The following DCDC1 variants were observed in gnomAD, a reference collection of about 807,000 sequenced individuals.
DCDC1 encodes the protein doublecortin domain containing 1.
DCDC1 carries 200 observed loss-of-function variants against 178.3 expected under a neutral mutation model. The observed-to-expected ratio is 1.12, with a 90% CI of 1.00 to 1.26. DCDC1 has a LOEUF of 1.26. Among genes scored for constraint, DCDC1 ranks in the 50% most tolerant of loss-of-function variants. The pLI, the probability that DCDC1 is intolerant of heterozygous loss-of-function variation, is 0.00. For synonymous variants in DCDC1, 690 were observed against 604.8 expected (o/e 1.14, Z -2.07); for missense variants, 1,983 against 1,749.2 (o/e 1.13, Z -2.38).
intron 9 of DCDC1, among the ~76,000 whole-genome samples, chr11:31,177,432 C>A (rs557488793): frequency 1.3e-3 from 196 of 151,448 alleles, no homozygotes; most frequent in Non-Finnish European, 2.4e-3. Flanking sequence ...AAAATAAAAA[C>A]AAAACAAAAC....
chr11:31,223,573 G>A (rs1381282648), intron 9 of DCDC1, among the ~76,000 whole-genome samples: 1 of 152,082 alleles, frequency 6.6e-6, no homozygotes, highest in Non-Finnish European at 1.5e-5. Flanking sequence ...AGCATTGTTT[G>A]TTACAGTAAA....
At chr11:30,890,887 C>A (rs1341331187) in intron 36 of DCDC1, among the ~76,000 whole-genome samples, 1 of 152,160 alleles carries the variant, frequency 6.6e-6, no homozygotes, top group Non-Finnish European at 1.5e-5. Flanking sequence ...AATCAACTCC[C>A]TATTGATGAG....
chr11:31,117,252 G>C (rs1323084496), intron 11 of DCDC1, among the ~76,000 whole-genome samples: 1 of 152,042 alleles, frequency 6.6e-6, no homozygotes, highest in Non-Finnish European at 1.5e-5. Flanking sequence ...GGCAACAGTG[G>C]TTTCACACGG....
At chr11:31,282,290 AG>A (rs1946499391) in intron 7 of DCDC1, among the ~76,000 whole-genome samples, 1 of 151,864 alleles carries the variant, frequency 6.6e-6, no homozygotes, top group Non-Finnish European at 1.5e-5. Context: ...CTTCTGTCTC[AG>A]TTTTGGTAAT....
chr11:31,307,546 T>G (rs889815049), intron 4 of DCDC1, 93 bp downstream of exon 4: 1 of 1,476,598 alleles, frequency 6.8e-7, no homozygotes, highest in African/African-American at 1.4e-5. Context: ...TACATTTTAA[T>G]GTCTGAGATA....
chr11:31,084,782 C>G (rs1289274130), intron 17 of DCDC1, among the ~76,000 whole-genome samples: 1 of 151,776 alleles, frequency 6.6e-6, no homozygotes, highest in Non-Finnish European at 1.5e-5. Flanking sequence ...CAAGCTTTCT[C>G]CTCTATAGGT....
At chr11:31,357,527 C>G (rs1469026237) in intron 1 of DCDC1, among the ~76,000 whole-genome samples, 1 of 152,128 alleles carries the variant, frequency 6.6e-6, no homozygotes. Context: ...AAAATTGGCA[C>G]AAGACAGGGA....
intron 9 of DCDC1, among the ~76,000 whole-genome samples, chr11:31,159,372 A>G (rs988832753): frequency 2.0e-5 from 3 of 152,202 alleles, no homozygotes; most frequent in Non-Finnish European, 4.4e-5. Flanking sequence ...GTACAATTTC[A>G]TAGGGCAAAT....
At chr11:31,170,576 A>G (rs1460064169) in intron 9 of DCDC1, among the ~76,000 whole-genome samples, 1 of 152,186 alleles carries the variant, frequency 6.6e-6, no homozygotes, top group African/African-American at 2.4e-5. Flanking sequence ...CTCAAATAAA[A>G]CATCTTAGAT....
At chr11:31,094,205 T>C (rs751992061) in intron 15 of DCDC1, 21 bp from the exon 16 acceptor site, 16 of 765,508 alleles carry the variant, frequency 2.1e-5, no homozygotes, top group South Asian at 1.6e-4. Flanking sequence ...AGAAGAAGTA[T>C]GCATTTTTAA....
chr11:31,004,188 A>T (rs533146876), intron 20 of DCDC1, among the ~76,000 whole-genome samples: 1 of 152,336 alleles, frequency 6.6e-6, no homozygotes, highest in South Asian at 2.1e-4. Flanking sequence ...AAAACAACAC[A>T]TTTAGTTTTA....
chr11:31,357,375 C>G (rs368793691), intron 1 of DCDC1, among the ~76,000 whole-genome samples: 2 of 141,150 alleles, frequency 1.4e-5, no homozygotes, highest in East Asian at 1.9e-4. Flanking sequence ...AGGCCTTTGA[C>G]AAAATTCAAC....
chr11:31,063,806 G>T (rs974154243), intron 20 of DCDC1, among the ~76,000 whole-genome samples: 4 of 152,090 alleles, frequency 2.6e-5, no homozygotes, highest in Non-Finnish European at 4.4e-5. Context: ...TCCTTTAAGA[G>T]TATTTCAGTC....
chr11:31,200,894 T>C (rs1971217182), intron 9 of DCDC1, among the ~76,000 whole-genome samples: 1 of 151,888 alleles, frequency 6.6e-6, no homozygotes, highest in Non-Finnish European at 1.5e-5. Context: ...AGCTCCCAAG[T>C]ACTCCAGAAA....
intron 17 of DCDC1, among the ~76,000 whole-genome samples, chr11:31,089,195 G>A (rs974588091): frequency 3.3e-5 from 5 of 151,986 alleles, no homozygotes; most frequent in Non-Finnish European, 5.9e-5. Flanking sequence ...TTTTCACTGG[G>A]GAAAGTTTTC....
At chr11:30,870,914 A>C (rs909060789) in intron 38 of DCDC1, among the ~76,000 whole-genome samples, 8 of 152,192 alleles carry the variant, frequency 5.3e-5, no homozygotes, top group Non-Finnish European at 1.2e-4. Context: ...GAAGGGAGAA[A>C]AGAACCAAAA....
chr11:31,069,846 C>T (rs1956450372), intron 18 of DCDC1, among the ~76,000 whole-genome samples: 1 of 152,052 alleles, frequency 6.6e-6, no homozygotes, highest in South Asian at 2.1e-4. Context: ...ATAATATATC[C>T]AGTGAAATGG....
intron 17 of DCDC1, among the ~76,000 whole-genome samples, chr11:31,090,888 T>C (rs957781329): frequency 9.2e-5 from 14 of 152,148 alleles, no homozygotes; most frequent in African/African-American, 3.4e-4. Flanking sequence ...CTCTTGGAGA[T>C]AAATCAACTT....
At chr11:30,964,050 C>T (rs546942573) in intron 20 of DCDC1, among the ~76,000 whole-genome samples, 1 of 152,250 alleles carries the variant, frequency 6.6e-6, no homozygotes, top group Admixed American at 6.5e-5. Context: ...GAAGCGTTAG[C>T]TCTTCAGAAA....
Sources: allele counts gnomAD v4.1 joint callset (sites outside exome capture counted in the v4.1 genomes callset), GRCh38; gene constraint gnomAD v4.1.1; transcripts MANE v1.5; gene names NCBI Gene and HGNC (gene_info 2026-07-23, HGNC 2026-07-21).